The following CAMK1D variants were observed in gnomAD, a reference collection of about 807,000 sequenced individuals.
CAMK1D encodes calcium/calmodulin-dependent protein kinase type 1D.
A neutral mutation model predicts 47.7 loss-of-function variants in CAMK1D; 9 were observed. The observed-to-expected ratio is 0.19, with a 90% CI of 0.11 to 0.33. The LOEUF is 0.33. Among genes scored for constraint, CAMK1D ranks in the 10% least tolerant of loss-of-function variants. The pLI, the probability that CAMK1D is intolerant of heterozygous loss-of-function variation, is 1.00. For synonymous variants in CAMK1D, 184 were observed against 184.9 expected (o/e 0.99, Z 0.04); for missense variants, 291 against 488.7 (o/e 0.60, Z 3.81).
At chr10:12,692,854 T>C (rs1259468569) in intron 3 of CAMK1D, among the ~76,000 whole-genome samples, 1 of 152,158 alleles carries the variant, frequency 6.6e-6, no homozygotes, top group Non-Finnish European at 1.5e-5. Flanking sequence ...TTGTAGGTAA[T>C]AGGAATTAGC....
Position 12,828,669 on chromosome 10 carries a change from C to CCA in CAMK1D, c.1040-99_1040-98insAC. ...AAAAAAAAAAAATTGGGCCCCCCCG[C>CCA]CCCCCACCATAAACCCAGCCCCTCT... On this transcript the variant is annotated intron_variant, in intron 10 of 10. Transcript: ENST00000619168. The CCA allele has an allele frequency of 1.1e-5, 10 of 883,424 alleles. No homozygotes were observed. The East Asian group carries it at 1.7e-4, about 15-fold the overall frequency. 54.7% of individuals were successfully genotyped at this position (883,424 alleles called of 1,614,324 possible).
At chr10:12,778,122 C>T (rs1377994100) in intron 5 of CAMK1D, among the ~76,000 whole-genome samples, 1 of 152,212 alleles carries the variant, frequency 6.6e-6, no homozygotes, top group Non-Finnish European at 1.5e-5. Context: ...TGAGTTCAGA[C>T]TTTTGATAGG....
At chr10:12,786,022 A>G (rs974718029) in intron 5 of CAMK1D, among the ~76,000 whole-genome samples, 2 of 152,106 alleles carry the variant, frequency 1.3e-5, no homozygotes, top group African/African-American at 2.4e-5. Context: ...AGAATGTTAT[A>G]TTTTCCACGA....
At chr10:12,621,014 C>T (rs563495462) in intron 2 of CAMK1D, among the ~76,000 whole-genome samples, 2 of 152,272 alleles carry the variant, frequency 1.3e-5, no homozygotes, top group Non-Finnish European at 2.9e-5. Context: ...CCTGTTGCCC[C>T]AGTTGTTCCA....
chr10:12,792,537 G>A (rs949402619), intron 6 of CAMK1D, among the ~76,000 whole-genome samples: 3 of 152,178 alleles, frequency 2.0e-5, no homozygotes, highest in Non-Finnish European at 4.4e-5. Context: ...AGAAAGTTCT[G>A]GCAGTGTGTG....
intron 1 of CAMK1D, among the ~76,000 whole-genome samples, chr10:12,541,842 T>TTCCTTC (rs1836193085): frequency 8.6e-6 from 1 of 116,608 alleles, no homozygotes; most frequent in Admixed American, 1.0e-4. Context: ...CTGTGTTTTA[T>TTCCTTC]CTTCCTTCCT....
At chr10:12,732,808 C>T (rs1016326534) in intron 3 of CAMK1D, among the ~76,000 whole-genome samples, 8 of 151,912 alleles carry the variant, frequency 5.3e-5, no homozygotes, top group African/African-American at 1.5e-4. Flanking sequence ...TACTAGCATC[C>T]GATAGGATCA....
chr10:12,734,254 G>A (rs1301040980), intron 3 of CAMK1D, among the ~76,000 whole-genome samples: 1 of 144,188 alleles, frequency 6.9e-6, no homozygotes, highest in African/African-American at 2.6e-5. Flanking sequence ...CCTGGGAGCT[G>A]GAGGTTGCAG....
At chr10:12,447,204 T>G (rs1832949262) in intron 1 of CAMK1D, among the ~76,000 whole-genome samples, 1 of 152,152 alleles carries the variant, frequency 6.6e-6, no homozygotes. Context: ...TTATAAAGAT[T>G]TGTTCGAAGT....
chr10:12,674,190 C>T lies in CAMK1D; in HGVS notation c.299+7380C>T, dbSNP rs117029456. Among the ~76,000 whole-genome samples, 1,241 of 152,298 alleles carry T rather than the reference C, an allele frequency of 8.1e-3. 4 individuals carry two copies. Among genetic ancestry groups the T allele is most frequent in the Non-Finnish European group, 0.014 (976 of 68,026 alleles). ...AAACCCCTGACCTCAAGCAATCCTC[C>T]CAGTCTCCCAAAGTGTTGGGATATG... On this transcript the variant is annotated intron_variant, in intron 3 of 10. Transcript: ENST00000619168.
chr10:12,379,304 G>A (rs80342607), intron 1 of CAMK1D, among the ~76,000 whole-genome samples: 10,196 of 152,276 alleles, frequency 0.067, 481 homozygotes, highest in Non-Finnish European at 0.1. Flanking sequence ...GGATCTGTCT[G>A]CATGATGCTG....
chr10:12,587,548 TAAAA>T (rs5783279), intron 2 of CAMK1D, among the ~76,000 whole-genome samples: 1 of 138,552 alleles, frequency 7.2e-6, no homozygotes, highest in Non-Finnish European at 1.5e-5. Context: ...CAGACATCAT[TAAAA>T]AAAAAAAAAA....
chr10:12,543,539 A>C (rs1715744344), intron 1 of CAMK1D, among the ~76,000 whole-genome samples: 1 of 152,138 alleles, frequency 6.6e-6, no homozygotes, highest in Admixed American at 6.5e-5. Context: ...CATAAGCTGA[A>C]GGTCTGGAGT....
intron 1 of CAMK1D, among the ~76,000 whole-genome samples, chr10:12,390,484 C>G (rs560583824): frequency 6.6e-6 from 1 of 152,344 alleles, no homozygotes; most frequent in Non-Finnish European, 1.5e-5. Flanking sequence ...GTCACTATAT[C>G]TGTCTCTGCG....
At position 12,834,433 on chromosome 10, in the gene CAMK1D, A is replaced by T. The variant is rs545252671; in HGVS notation, c.*5546A>T. 2.0e-5 allele frequency: 3 copies of T among 152,084 alleles called. No homozygotes were observed. Among genetic ancestry groups the T allele is most frequent in the East Asian group, 3.9e-4 (2 of 5,156 alleles). 9.4% of individuals were successfully genotyped at this position (152,084 alleles called of 1,614,324 possible). A position where few individuals can be genotyped will look rare whatever the true frequency, so the allele number is the denominator to read the frequency against. On this transcript the variant is annotated 3_prime_UTR_variant, in exon 11 of 11. Transcript: ENST00000619168. ...GAGCTCCGCTTTTGCAAACCCAAAA[A>T]GGCTGTGCATTTGGAAGCCAAACGC... is the stretch of plus-strand genomic sequence containing the variant.
chr10:12,724,459 G>A (rs1406106502), intron 3 of CAMK1D, among the ~76,000 whole-genome samples: 1 of 152,144 alleles, frequency 6.6e-6, no homozygotes, highest in Non-Finnish European at 1.5e-5. Context: ...CAGGAGTTTT[G>A]CTTGTGCAGA....
Position 12,835,483 on chromosome 10 carries a change from CATA to C in CAMK1D, c.*6599_*6601del, listed in dbSNP as rs1389052382. 6.6e-6 allele frequency: 1 copy of C among 152,222 alleles called. No homozygotes were observed. Among genetic ancestry groups the C allele is most frequent in the Non-Finnish European group, 1.5e-5 (1 of 68,056 alleles). 9.4% of individuals were successfully genotyped at this position (152,222 alleles called of 1,614,324 possible). Reference sequence around the variant, plus strand: ...CATGTATACATATCAAGATTTCTATCATAATGATAATGAGATTGATGACTTCCT... The same window carrying C: ...CATGTATACATATCAAGATTTCTATCATGATAATGAGATTGATGACTTCCT... On this transcript the variant is annotated 3_prime_UTR_variant, in exon 11 of 11. Coordinates refer to ENST00000619168, the MANE Select transcript of CAMK1D (RefSeq NM_153498.4).
chr10:12,703,238 C>T (rs1292609181), intron 3 of CAMK1D, among the ~76,000 whole-genome samples: 1 of 152,246 alleles, frequency 6.6e-6, no homozygotes, highest in South Asian at 2.1e-4. Flanking sequence ...ACCATAACCT[C>T]AGTCTCTCCA....
chr10:12,801,354 T>TATCTATCTAATCTATCTATC (rs57429397), intron 6 of CAMK1D, among the ~76,000 whole-genome samples: 13 of 66,564 alleles, frequency 2.0e-4, no homozygotes, highest in East Asian at 1.0e-3. Flanking sequence ...TCTATCTATC[T>TATCTATCTAATCTATCTATC]TATCTATCTA....
Sources: allele counts gnomAD v4.1 joint callset (sites outside exome capture counted in the v4.1 genomes callset), GRCh38; gene constraint gnomAD v4.1.1; transcripts MANE v1.5; gene names NCBI Gene and HGNC (gene_info 2026-07-23, HGNC 2026-07-21).